The following KCNN3 variants were observed in gnomAD, a reference collection of about 807,000 sequenced individuals.
The protein encoded by KCNN3 is small conductance calcium-activated potassium channel protein 3.
A neutral mutation model predicts 62.9 loss-of-function variants in KCNN3; 16 were observed. The ratio of observed to expected loss-of-function variants is 0.25; its 90% CI spans 0.17 to 0.39. KCNN3 has a LOEUF of 0.39. Ranked by LOEUF, KCNN3 falls within the 10% of genes least tolerant of loss-of-function variation. The pLI is 1.00. For missense variants in KCNN3, 599 were observed against 949.4 expected, an observed-to-expected ratio of 0.63 and a Z score of 4.85; for synonymous variants, 370 against 389.2, an observed-to-expected ratio of 0.95 and a Z score of 0.58.
At chr1:154,810,452 C>A (rs928782800) in intron 2 of KCNN3, among the ~76,000 whole-genome samples, 1 of 79,842 alleles carries the variant, frequency 1.3e-5, no homozygotes, top group African/African-American at 1.3e-4. Flanking sequence ...AGACCCTAGC[C>A]TTCCTTGGGA....
At chr1:154,827,873 C>T (rs1029724938) in intron 1 of KCNN3, among the ~76,000 whole-genome samples, 4 of 152,234 alleles carry the variant, frequency 2.6e-5, no homozygotes, top group Non-Finnish European at 4.4e-5. Flanking sequence ...ATCCTCAGAG[C>T]GGCTTCCCAA....
intron 7 of KCNN3, among the ~76,000 whole-genome samples, chr1:154,711,449 A>T (rs1700073514): frequency 6.6e-6 from 1 of 151,650 alleles, no homozygotes; most frequent in African/African-American, 2.4e-5. Flanking sequence ...CATATGTAAC[A>T]AACCTGCACA....
intron 1 of KCNN3, 48 bp from the exon 2 acceptor site, chr1:154,822,232 C>T (rs1311831825): frequency 1.0e-5 from 14 of 1,361,358 alleles, no homozygotes; most frequent in Admixed American, 1.7e-5. Context: ...GGGAAAGGAG[C>T]GTCTCACTTT....
chr1:154,824,061 A>G (rs886768700), intron 1 of KCNN3, among the ~76,000 whole-genome samples: 1 of 152,186 alleles, frequency 6.6e-6, no homozygotes, highest in Non-Finnish European at 1.5e-5. Flanking sequence ...AAAAATTTCA[A>G]CCACTTCTCA....
At chr1:154,855,792 G>T (rs1652498360) in intron 1 of KCNN3, among the ~76,000 whole-genome samples, 1 of 152,156 alleles carries the variant, frequency 6.6e-6, no homozygotes, top group Admixed American at 6.5e-5. Flanking sequence ...TTATTTTTCC[G>T]CCTGGGCTGG....
chr1:154,716,115 C>T (rs995569498), intron 5 of KCNN3, among the ~76,000 whole-genome samples: 6 of 152,218 alleles, frequency 3.9e-5, no homozygotes, highest in Admixed American at 6.5e-5. Flanking sequence ...CAACATATGA[C>T]GCTGTCATCC....
Position 154,708,205 on chromosome 1 carries a change from A to G in KCNN3, c.1967T>C (p.Ile656Thr), listed in dbSNP as rs1474235878. The G allele has an allele frequency of 1.2e-6, 2 of 1,613,910 alleles. No individual in the cohort carries two copies. Among genetic ancestry groups the G allele is most frequent in the Non-Finnish European group, 8.5e-7 (1 of 1,179,992 alleles). ...CTCCAGCTTCGACTCCAGGCTGCCA[A>G]TCTGCTTCTCCAGGTCTTCGCTCCG... Reference protein sequence around the residue: ...NDRSEDLEKQIGSLESKLEHL... With the variant: ...NDRSEDLEKQTGSLESKLEHL... The change falls in exon 8 of 8, where the codon ATT (isoleucine) becomes ACT (threonine). Residue 656 changes from isoleucine (I) to threonine (T), a missense_variant. Ile to Thr is a moderately conservative substitution (Grantham distance 89). Transcript: ENST00000271915.
chr1:154,798,248 AG>A (rs1649810129), intron 2 of KCNN3, among the ~76,000 whole-genome samples: 1 of 152,198 alleles, frequency 6.6e-6, no homozygotes, highest in African/African-American at 2.4e-5. Flanking sequence ...ACAGGAAGAA[AG>A]GAAGGACAGA....
At chr1:154,864,595 G>A (rs569385388) in intron 1 of KCNN3, among the ~76,000 whole-genome samples, 17 of 152,262 alleles carry the variant, frequency 1.1e-4, no homozygotes, top group African/African-American at 3.4e-4. Flanking sequence ...CTGGGCATAC[G>A]GAGAAGCGGC....
Position 154,804,235 on chromosome 1 carries a change from G to A in KCNN3, c.1029+17854C>T, listed in dbSNP as rs149657960. ...CCACTGACACCTTTCAGATTAATGC[G>A]TTCACTCACAAACACTAACACAATT... is the stretch of plus-strand genomic sequence containing the variant. On this transcript the variant is annotated intron_variant, in intron 2 of 7. Coordinates refer to ENST00000271915, the MANE Select transcript of KCNN3 (RefSeq NM_002249.6). Among the ~76,000 whole-genome samples, 12 of 152,298 alleles carry A rather than the reference G, an allele frequency of 7.9e-5. No homozygotes were observed. The South Asian group carries it at 8.3e-4, about 11-fold the overall frequency.
intron 1 of KCNN3, among the ~76,000 whole-genome samples, chr1:154,824,839 G>C (rs1651041574): frequency 6.6e-6 from 1 of 152,064 alleles, no homozygotes; most frequent in South Asian, 2.1e-4. Flanking sequence ...ACATGAACAG[G>C]CAACTCCCAC....
At chr1:154,859,803 C>A in intron 1 of KCNN3, 2 of 1,613,626 alleles carry the variant, frequency 1.2e-6, no homozygotes, top group Non-Finnish European at 1.7e-6. Context: ...TAGGTGCCAG[C>A]TCAGTCCCTG....
intron 3 of KCNN3, chr1:154,737,140 T>C: frequency 3.1e-6 from 2 of 636,612 alleles, no homozygotes; most frequent in South Asian, 1.5e-5. Context: ...TTCACAATTT[T>C]AGAGCGGTTT....
intron 3 of KCNN3, among the ~76,000 whole-genome samples, chr1:154,768,848 G>T (rs1648415127): frequency 6.6e-6 from 1 of 152,174 alleles, no homozygotes; most frequent in African/African-American, 2.4e-5. Flanking sequence ...GGCAGCAGAG[G>T]CAGAGAAAAC....
At chr1:154,726,462 G>A (rs1207047771) in intron 4 of KCNN3, among the ~76,000 whole-genome samples, 4 of 152,234 alleles carry the variant, frequency 2.6e-5, no homozygotes, top group African/African-American at 7.2e-5. Context: ...AGGCCTGGGA[G>A]GAAAGAAGGT....
At chr1:154,757,071 G>A (rs1042293399) in intron 3 of KCNN3, among the ~76,000 whole-genome samples, 3 of 152,156 alleles carry the variant, frequency 2.0e-5, no homozygotes, top group East Asian at 1.9e-4. Flanking sequence ...GAAGGGAAAC[G>A]GCAGAGGAGG....
At chr1:154,727,849 C>T (rs139456057) in intron 4 of KCNN3, among the ~76,000 whole-genome samples, 1,653 of 152,300 alleles carry the variant, frequency 0.011, 20 homozygotes, top group Middle Eastern at 0.034. Context: ...CTCGACCGGA[C>T]GGAGTATCAT....
chr1:154,742,048 G>T lies in KCNN3; in HGVS notation c.1449-8904C>A, dbSNP rs557191667. ...CTGCCCTCCTCTGGCATCTGCAGCG[G>T]CTCACTGGCCTGCTTTCCTCCCGCC... is the stretch of plus-strand genomic sequence containing the variant. On this transcript the variant is annotated intron_variant, in intron 3 of 7. Coordinates refer to ENST00000271915, the MANE Select transcript of KCNN3 (RefSeq NM_002249.6). Among the ~76,000 whole-genome samples the T allele has an allele frequency of 1.6e-4, 25 of 152,336 alleles. 1 individual carries two copies. The South Asian group carries it at 2.5e-3, about 15-fold the overall frequency.
At chr1:154,817,272 C>A (rs1650705410) in intron 2 of KCNN3, among the ~76,000 whole-genome samples, 1 of 152,162 alleles carries the variant, frequency 6.6e-6, no homozygotes, top group African/African-American at 2.4e-5. Context: ...TCTCTGGCAG[C>A]AGTAAGACAA....
Sources: allele counts gnomAD v4.1 joint callset (sites outside exome capture counted in the v4.1 genomes callset), GRCh38; gene constraint gnomAD v4.1.1; transcripts MANE v1.5; gene names NCBI Gene and HGNC (gene_info 2026-07-23, HGNC 2026-07-21).